The following FHIT variants were observed in gnomAD, a reference collection of about 807,000 sequenced individuals.
FHIT encodes the protein bis(5'-adenosyl)-triphosphatase.
FHIT carries 19 observed loss-of-function variants against 17.9 expected under a neutral mutation model. The ratio of observed to expected loss-of-function variants is 1.06; its 90% CI spans 0.74 to 1.56. The LOEUF (loss-of-function observed/expected upper bound fraction) is 1.56. Among genes scored for constraint, FHIT ranks in the 40% most tolerant of loss-of-function variants. FHIT has a pLI of 0.00. For synonymous variants in FHIT, 81 were observed against 69.7 expected (o/e 1.16, Z -0.81); for missense variants, 248 against 189.2 (o/e 1.31, Z -1.82).
At chr3:60,722,708 T>A (rs1283386846) in intron 4 of FHIT, among the ~76,000 whole-genome samples, 34 of 108,748 alleles carry the variant, frequency 3.1e-4, no homozygotes, top group African/African-American at 1.1e-3. Flanking sequence ...ACCTTAAATC[T>A]TTTTTTTTTT....
chr3:60,690,321 T>C, intron 4 of FHIT: 1 of 565,944 alleles, frequency 1.8e-6, no homozygotes, highest in Non-Finnish European at 3.5e-6. Context: ...CCATGCCTTC[T>C]TTCACCCTGC....
intron 2 of FHIT, among the ~76,000 whole-genome samples, chr3:61,155,457 TG>T (rs2037508890): frequency 6.6e-6 from 1 of 152,160 alleles, no homozygotes; most frequent in African/African-American, 2.4e-5. Flanking sequence ...TATTCTTTCT[TG>T]TTTCTTTTTT....
chr3:60,303,305 G>A (rs1048782946), intron 5 of FHIT, among the ~76,000 whole-genome samples: 9 of 152,158 alleles, frequency 5.9e-5, no homozygotes, highest in Non-Finnish European at 7.4e-5. Flanking sequence ...ACTGCAGGAC[G>A]GCTAATGTGT....
At chr3:61,003,337 A>C (rs1419509953) in intron 3 of FHIT, among the ~76,000 whole-genome samples, 2 of 152,242 alleles carry the variant, frequency 1.3e-5, no homozygotes, top group African/African-American at 2.4e-5. Flanking sequence ...ATCCTAATTT[A>C]AAAGATAACT....
chr3:60,378,753 A>C, intron 5 of FHIT, among the ~76,000 whole-genome samples: 1 of 152,360 alleles, frequency 6.6e-6, no homozygotes, highest in South Asian at 2.1e-4. Flanking sequence ...CTTGTTAGCA[A>C]TGCCTGACCT....
At chr3:60,469,688 G>C (rs189079996) in intron 5 of FHIT, among the ~76,000 whole-genome samples, 262 of 152,092 alleles carry the variant, frequency 1.7e-3, no homozygotes, top group African/African-American at 5.9e-3. Context: ...TGTTTTTCTG[G>C]AAGGTCTTGA....
At chr3:60,728,165 G>T (rs2041955879) in intron 4 of FHIT, among the ~76,000 whole-genome samples, 1 of 152,186 alleles carries the variant, frequency 6.6e-6, no homozygotes, top group African/African-American at 2.4e-5. Context: ...ATTCGTGGTT[G>T]TGCTATCAAC....
At chr3:60,142,581 C>G (rs746760954) in intron 5 of FHIT, among the ~76,000 whole-genome samples, 24 of 152,090 alleles carry the variant, frequency 1.6e-4, no homozygotes, top group Admixed American at 2.6e-4. Flanking sequence ...TCACTATAGC[C>G]TCAAACTCCT....
intron 2 of FHIT, among the ~76,000 whole-genome samples, chr3:61,180,039 C>T (rs141687773): frequency 6.6e-6 from 1 of 152,180 alleles, no homozygotes; most frequent in Non-Finnish European, 1.5e-5. Flanking sequence ...AGAAAAGATA[C>T]ACTGAGAAAG....
intron 5 of FHIT, among the ~76,000 whole-genome samples, chr3:60,261,618 A>G (rs886905636): frequency 3.9e-5 from 6 of 152,066 alleles, no homozygotes; most frequent in Non-Finnish European, 7.4e-5. Flanking sequence ...CTCATAGTAA[A>G]TTAAATTGAG....
intron 8 of FHIT, among the ~76,000 whole-genome samples, chr3:59,820,907 C>T (rs770348337): frequency 6.6e-6 from 1 of 152,174 alleles, no homozygotes; most frequent in Non-Finnish European, 1.5e-5. Flanking sequence ...TTACCAGTTT[C>T]ATATTTCCAA....
In FHIT at chr3:60,078,208, G is replaced by T. The variant is rs111348329; in HGVS notation, c.104-64056C>A. On this transcript the variant is annotated intron_variant, in intron 5 of 9. Coordinates refer to ENST00000492590, the MANE Select transcript of FHIT (RefSeq NM_002012.4). Reference sequence around the variant, plus strand: ...AGTATATTCCTATAAGATACTTATTGATTACAAAAGGAAAAATAGCAATTT... The same window carrying T: ...AGTATATTCCTATAAGATACTTATTTATTACAAAAGGAAAAATAGCAATTT... Among the ~76,000 whole-genome samples the T allele has an allele frequency of 2.2e-3, 331 of 152,156 alleles. 1 individual carries two copies. Among genetic ancestry groups the T allele is most frequent in the African/African-American group, 7.6e-3 (314 of 41,520 alleles).
intron 4 of FHIT, among the ~76,000 whole-genome samples, chr3:60,716,162 T>G (rs1483166113): frequency 1.3e-5 from 2 of 152,050 alleles, no homozygotes; most frequent in Non-Finnish European, 2.9e-5. Flanking sequence ...GAGAATCACT[T>G]GAACCCAGGA....
chr3:60,611,659 C>T (rs375256266), intron 4 of FHIT, among the ~76,000 whole-genome samples: 31 of 152,274 alleles, frequency 2.0e-4, no homozygotes, highest in African/African-American at 6.7e-4. Flanking sequence ...GACTTTCTAA[C>T]GCTCGGCTCT....
intron 3 of FHIT, among the ~76,000 whole-genome samples, chr3:60,992,319 T>C (rs1275348862): frequency 4.6e-5 from 7 of 152,228 alleles, no homozygotes; most frequent in Non-Finnish European, 1.0e-4. Context: ...ATGATGGATA[T>C]ACATATGTAA....
intron 5 of FHIT, among the ~76,000 whole-genome samples, chr3:60,461,917 A>G (rs1255527609): frequency 6.6e-6 from 1 of 152,194 alleles, no homozygotes; most frequent in Non-Finnish European, 1.5e-5. Flanking sequence ...CCCCCCTTTA[A>G]GCCAGGTAAA....
chr3:60,137,844 T>C (rs1258017015), intron 5 of FHIT, among the ~76,000 whole-genome samples: 1 of 150,850 alleles, frequency 6.6e-6, no homozygotes, highest in Non-Finnish European at 1.5e-5. Context: ...AAATGAATAT[T>C]TAAGCAACAT....
At chr3:60,456,551 G>T (rs535448711) in intron 5 of FHIT, among the ~76,000 whole-genome samples, 1 of 152,182 alleles carries the variant, frequency 6.6e-6, no homozygotes. Context: ...ATAGTTTACT[G>T]TATCATAGCA....
chr3:60,291,639 T>C (rs1401638110), intron 5 of FHIT, among the ~76,000 whole-genome samples: 1 of 152,172 alleles, frequency 6.6e-6, no homozygotes, highest in Non-Finnish European at 1.5e-5. Context: ...TGCTTTTCAT[T>C]AGAAAGAAAA....
Sources: gnomAD v4.1 joint callset for allele counts (sites outside exome capture counted in the v4.1 genomes callset) on GRCh38, gnomAD v4.1.1 for gene constraint, MANE v1.5 for transcripts, NCBI Gene and HGNC (gene_info 2026-07-23, HGNC 2026-07-21) for gene names.